Variants in FLRT1 observed in about 807,000 individuals in gnomAD.
The protein encoded by FLRT1 is leucine-rich repeat transmembrane protein FLRT1.
Under a neutral mutation model 30.9 loss-of-function variants are expected in FLRT1, and 14 were observed. The ratio of observed to expected loss-of-function variants is 0.45; its 90% CI spans 0.30 to 0.71. The LOEUF is 0.71. FLRT1 is among the 30% of genes least tolerant of loss of function. The probability of loss-of-function intolerance (pLI) is 0.08; values close to 1 mark genes in which losing one functional copy is unlikely to be tolerated. For synonymous variants in FLRT1, 368 were observed against 430.4 expected, an observed-to-expected ratio of 0.85 and a Z score of 1.80; for missense variants, 737 against 949.2, an observed-to-expected ratio of 0.78 and a Z score of 2.94.
intron 1 of FLRT1, among the ~76,000 whole-genome samples, chr11:64,085,810 G>A (rs549901273): frequency 6.6e-6 from 1 of 152,316 alleles, no homozygotes; most frequent in African/African-American, 2.4e-5. Context: ...TGGGCAAGTC[G>A]GGGAATAACA....
chr11:64,050,971 C>T lies in FLRT1; in HGVS notation c.-1038+14812C>T, dbSNP rs1015480387. On this transcript the variant is annotated intron_variant, in intron 1 of 2. Coordinates refer to ENST00000682287, the MANE Select transcript of FLRT1 (RefSeq NM_013280.5). ...GACTTTCTTGTTGCAGGCAGCCAGG[C>T]CTGTCCCCTGAGCCCCACTCCTGAA... 1.0e-3 allele frequency among the ~76,000 whole-genome samples: 158 copies of T among 152,320 alleles called. 1 individual carries two copies. Among genetic ancestry groups the T allele is most frequent in the Non-Finnish European group, 1.8e-4 (12 of 68,020 alleles).
At chr11:64,044,555 A>G (rs1270365913) in intron 1 of FLRT1, among the ~76,000 whole-genome samples, 1 of 152,150 alleles carries the variant, frequency 6.6e-6, no homozygotes, top group Non-Finnish European at 1.5e-5. Flanking sequence ...CAACTTCTGA[A>G]GTAGGCACTA....
intron 1 of FLRT1, among the ~76,000 whole-genome samples, chr11:64,042,871 C>T (rs1943515167): frequency 6.6e-6 from 1 of 152,194 alleles, no homozygotes; most frequent in Admixed American, 6.5e-5. Flanking sequence ...CCCCAGTTTC[C>T]AGGGGCTTCT....
intron 1 of FLRT1, among the ~76,000 whole-genome samples, chr11:64,098,238 A>G (rs1298363566): frequency 6.6e-6 from 1 of 152,116 alleles, no homozygotes; most frequent in Non-Finnish European, 1.5e-5. Flanking sequence ...CAGGCCCCTC[A>G]GTGCAGCATT....
At chr11:64,085,911 C>A (rs1366977146) in intron 1 of FLRT1, among the ~76,000 whole-genome samples, 13 of 152,134 alleles carry the variant, frequency 8.5e-5, no homozygotes, top group African/African-American at 2.9e-4. Flanking sequence ...GGGGCCACCC[C>A]ACCCCCACAG....
In FLRT1 at chr11:64,118,001, C is replaced by T. The variant is rs1462665646; in HGVS notation, c.1734C>T (p.His578=). ...LVLGAICWYV[H]QAGELLTRER... Reference sequence around the variant, plus strand: ...TGGGGGCCATCTGCTGGTACGTGCACCAGGCTGGCGAGCTGCTGACCCGGG... The same window carrying T: ...TGGGGGCCATCTGCTGGTACGTGCATCAGGCTGGCGAGCTGCTGACCCGGG... The change falls in exon 3 of 3, where the codon CAC becomes CAT. Residue 578 remains histidine, a synonymous_variant. Transcript: ENST00000682287. 6.2e-7 allele frequency: 1 copy of T among 1,613,798 alleles called. No homozygotes were observed. The highest frequency in any genetic ancestry group is 1.7e-5 in the Admixed American group (1 of 60,020).
At chr11:64,105,550 T>G (rs1440909023) in intron 2 of FLRT1, among the ~76,000 whole-genome samples, 5 of 152,040 alleles carry the variant, frequency 3.3e-5, no homozygotes, top group Non-Finnish European at 7.4e-5. Context: ...GAGAGAGCAT[T>G]CTATGACGTG....
At chr11:64,063,503 T>C (rs1943941672) in intron 1 of FLRT1, among the ~76,000 whole-genome samples, 1 of 152,150 alleles carries the variant, frequency 6.6e-6, no homozygotes, top group Admixed American at 6.5e-5. Context: ...GGGAAAGGCA[T>C]CCTGGCAAAG....
intron 1 of FLRT1, among the ~76,000 whole-genome samples, chr11:64,071,484 T>C (rs1157416264): frequency 2.0e-5 from 3 of 152,120 alleles, no homozygotes; most frequent in African/African-American, 4.8e-5. Flanking sequence ...AAGGAGAGCA[T>C]TGTCCCCTTG....
In FLRT1 at chr11:64,103,811, G is replaced by A. The variant is rs1165681500; in HGVS notation, c.-420G>A. ...CCACCCTCGGGAGTCCTGGGGTCCA[G>A]AGGGGTGTCCCTGTACCCCTTGCAC... On this transcript the variant is annotated 5_prime_UTR_variant, in exon 2 of 3. Transcript: ENST00000682287. The A allele has an allele frequency of 6.6e-6, 1 of 152,248 alleles. No individual in the cohort carries two copies. Among genetic ancestry groups the A allele is most frequent in the African/African-American group, 2.4e-5 (1 of 41,426 alleles). The allele number at this position is 152,248 out of a possible 1,614,324, so 9.4% of individuals were successfully genotyped here. A position where few individuals can be genotyped will look rare whatever the true frequency, so the allele number is the denominator to read the frequency against.
chr11:64,059,898 G>A (rs558816296), intron 1 of FLRT1, among the ~76,000 whole-genome samples: 8 of 151,626 alleles, frequency 5.3e-5, no homozygotes, highest in African/African-American at 1.7e-4. Flanking sequence ...CCGAGGAGGC[G>A]AGGCGAGGCT....
At chr11:64,113,131 C>T (rs1454295603) in intron 2 of FLRT1, among the ~76,000 whole-genome samples, 1 of 152,220 alleles carries the variant, frequency 6.6e-6, no homozygotes, top group Non-Finnish European at 1.5e-5. Flanking sequence ...CTCAAGTAGT[C>T]TTGAGTAAGC....
chr11:64,117,676 G>A lies in FLRT1; in HGVS notation c.1409G>A (p.Arg470His), dbSNP rs780941309. ...TCCTCTTTCCGGCTCAGTTGGCTGC[G>A]CCTGGGCCACAGCCCAGCCGTGGGC... ...PASSFRLSWLRLGHSPAVGSI... is the reference protein window; with the variant it reads ...PASSFRLSWLHLGHSPAVGSI... The change falls in exon 3 of 3, where the codon CGC becomes CAC. Residue 470 changes from arginine to histidine, a missense_variant. Physicochemically the swap from Arg to His is conservative, Grantham distance 29. Transcript: ENST00000682287. 1.9e-5 allele frequency: 31 copies of A among 1,613,506 alleles called. No homozygotes were observed. Among genetic ancestry groups the A allele is most frequent in the South Asian group, 2.2e-5 (2 of 91,074 alleles).
At chr11:64,097,402 C>T (rs567831426) in intron 1 of FLRT1, among the ~76,000 whole-genome samples, 55 of 152,352 alleles carry the variant, frequency 3.6e-4, no homozygotes, top group African/African-American at 1.3e-3. Flanking sequence ...GGAGATGTCC[C>T]GTGGCAAGAG....
At chr11:64,055,489 G>A (rs1431085236) in intron 1 of FLRT1, among the ~76,000 whole-genome samples, 1 of 152,114 alleles carries the variant, frequency 6.6e-6, no homozygotes, top group East Asian at 1.9e-4. Context: ...CCCATCCTAA[G>A]TGGCTCCCCT....
chr11:64,089,571 G>A (rs1202942671), intron 1 of FLRT1, among the ~76,000 whole-genome samples: 1 of 152,190 alleles, frequency 6.6e-6, no homozygotes. Context: ...CGGCAGCCAC[G>A]GACCAGAGAA....
At chr11:64,113,861 T>C (rs1944910756) in intron 2 of FLRT1, among the ~76,000 whole-genome samples, 2 of 142,914 alleles carry the variant, frequency 1.4e-5, no homozygotes, top group African/African-American at 2.6e-5. Context: ...GCTGGATGTA[T>C]GGATTGATAC....
At position 64,079,505 on chromosome 11, in the gene FLRT1, C is replaced by G. The variant is rs529999844; in HGVS notation, c.-1037-23689C>G. On this transcript the variant is annotated intron_variant, in intron 1 of 2. Coordinates refer to ENST00000682287, the MANE Select transcript of FLRT1 (RefSeq NM_013280.5). ...AATGGGGCAGGGATGAGAACTGTGC[C>G]TTAAGCAGTCACCAGCAAATGCAAA... Among the ~76,000 whole-genome samples, 4 of 152,264 alleles carry G rather than the reference C, an allele frequency of 2.6e-5. No homozygotes were observed. In the East Asian group the frequency reaches 7.7e-4, roughly 29 times the overall value.
intron 1 of FLRT1, among the ~76,000 whole-genome samples, chr11:64,086,405 C>T (rs980411496): frequency 1.3e-5 from 2 of 151,942 alleles, no homozygotes; most frequent in Admixed American, 1.3e-4. Context: ...GAGGATGGAA[C>T]ATTCCCTCCC....
Sources: allele counts gnomAD v4.1 joint callset (sites outside exome capture counted in the v4.1 genomes callset), GRCh38; gene constraint gnomAD v4.1.1; transcripts MANE v1.5; gene names NCBI Gene and HGNC (gene_info 2026-07-23, HGNC 2026-07-21).